The following SCAF8 variants were observed in gnomAD, a reference collection of about 807,000 sequenced individuals.
SCAF8 encodes SR-related CTD associated factor 8, also known as SR-related and CTD-associated factor 8.
A neutral mutation model predicts 140.5 loss-of-function variants in SCAF8; 23 were observed. The ratio of observed to expected loss-of-function variants is 0.16; its 90% confidence interval spans 0.12 to 0.23. The LOEUF (loss-of-function observed/expected upper bound fraction) is 0.23. Among genes scored for constraint, SCAF8 ranks in the 10% least tolerant of loss-of-function variants. SCAF8 has a pLI of 1.00. For missense variants in SCAF8, 1,397 were observed against 1,555.7 expected (o/e 0.90, Z 1.72); for synonymous variants, 575 against 528.9 (o/e 1.09, Z -1.20).
At chr6:154,805,948 G>T (rs1434316450) in intron 9 of SCAF8, among the ~76,000 whole-genome samples, 9 of 152,160 alleles carry the variant, frequency 5.9e-5, no homozygotes, top group African/African-American at 1.7e-4. Flanking sequence ...GCATGTAGCA[G>T]GAGCTTTATT....
At chr6:154,772,268 G>A (rs1776791122) in intron 1 of SCAF8, among the ~76,000 whole-genome samples, 3 of 152,174 alleles carry the variant, frequency 2.0e-5, no homozygotes, top group South Asian at 2.1e-4. Context: ...ATATCTTACA[G>A]TGTTATACTT....
rs376622207 is a variant in SCAF8, at chr6:154,796,389, C to CTCTCTCTCTCTCTCTCTGTCTGTCTG, written c.606+1253_606+1254insCTCTCTCTCTCTCTGTCTGTCTGTCT. Among the ~76,000 whole-genome samples the CTCTCTCTCTCTCTCTCTGTCTGTCTG allele has an allele frequency of 7.7e-4, 108 of 141,046 alleles. 1 individual carries two copies. The highest frequency in any genetic ancestry group is 2.5e-3 in the African/African-American group (92 of 36,366). The allele number at this position is 141,046 out of a possible 152,430, so 92.5% of individuals were successfully genotyped here. On this transcript the variant is annotated intron_variant, in intron 6 of 19. Transcript: ENST00000367178. ...TCTCTCTCTCTCTCTCTCTCTCTCT[C>CTCTCTCTCTCTCTCTCTGTCTGTCTG]TCTGTCTCTCTCTTTTTCTGACCCT...
chr6:154,821,694 A>G (rs1778426570), intron 15 of SCAF8, among the ~76,000 whole-genome samples: 1 of 152,200 alleles, frequency 6.6e-6, no homozygotes, highest in Non-Finnish European at 1.5e-5. Flanking sequence ...TTTGTATTCA[A>G]AAATAAGAAG....
At chr6:154,740,140 T>A (rs1778530172) in intron 1 of SCAF8, among the ~76,000 whole-genome samples, 1 of 152,182 alleles carries the variant, frequency 6.6e-6, no homozygotes, top group South Asian at 2.1e-4. Flanking sequence ...AGCATATTAA[T>A]TAGTATTATA....
intron 1 of SCAF8, among the ~76,000 whole-genome samples, chr6:154,752,145 T>C (rs1583002666): frequency 1.3e-5 from 2 of 152,338 alleles, no homozygotes; most frequent in East Asian, 3.9e-4. Flanking sequence ...TTTAGAAGGT[T>C]CCTAGTCTCT....
intron 6 of SCAF8, among the ~76,000 whole-genome samples, chr6:154,797,277 C>G (rs1040872271): frequency 6.6e-6 from 1 of 151,082 alleles, no homozygotes; most frequent in Non-Finnish European, 1.5e-5. Flanking sequence ...CTGTTACTAC[C>G]CTAGTTCTTC....
intron 18 of SCAF8, among the ~76,000 whole-genome samples, chr6:154,828,607 T>G (rs900725637): frequency 3.3e-5 from 5 of 152,188 alleles, no homozygotes; most frequent in African/African-American, 9.7e-5. Flanking sequence ...TGAGAGCTAC[T>G]TAGCTTTTTG....
intron 1 of SCAF8, among the ~76,000 whole-genome samples, chr6:154,766,665 C>CG (rs1389113439): frequency 9.2e-6 from 1 of 108,532 alleles, no homozygotes; most frequent in Non-Finnish European, 1.8e-5. Context: ...CAGCACCCCC[C>CG]CCCCTTTTTT....
At chr6:154,780,565 C>T (rs1046739526) in intron 3 of SCAF8, among the ~76,000 whole-genome samples, 2 of 151,546 alleles carry the variant, frequency 1.3e-5, no homozygotes, top group African/African-American at 2.4e-5. Flanking sequence ...TTGTTCCCCT[C>T]CCTGTGTCCA....
chr6:154,779,943 A>G (rs1157612293), intron 3 of SCAF8, among the ~76,000 whole-genome samples: 4 of 152,168 alleles, frequency 2.6e-5, no homozygotes, highest in Non-Finnish European at 5.9e-5. Flanking sequence ...AAAATATTAC[A>G]ATCAGGACAT....
intron 1 of SCAF8, among the ~76,000 whole-genome samples, chr6:154,747,303 C>A (rs1216579985): frequency 6.6e-6 from 1 of 152,086 alleles, no homozygotes; most frequent in Non-Finnish European, 1.5e-5. Context: ...TGCTTGAGAT[C>A]AGGAGTTCCA....
In SCAF8 at chr6:154,833,034, G is replaced by C; in HGVS notation, c.3455G>C (p.Arg1152Pro). The C allele has an allele frequency of 6.2e-7, 1 of 1,614,094 alleles. No homozygotes were observed. The highest frequency in any genetic ancestry group is 8.5e-7 in the Non-Finnish European group (1 of 1,180,012). The stretch of plus-strand genomic sequence containing the variant: ...GAAGTTCACAGAGATTTTGATGACC[G>C]CAGAAGACCCTGGGAGAGGCAAAGG... Reference protein sequence around the residue: ...GQEVHRDFDDRRRPWERQRDR... With the variant: ...GQEVHRDFDDPRRPWERQRDR... Residue 1152 changes from arginine (R) to proline (P), a missense_variant, in exon 20 of 20, where the codon CGC becomes CCC. Arg to Pro is a moderately radical substitution (Grantham distance 103). Coordinates refer to ENST00000367178, the MANE Select transcript of SCAF8 (RefSeq NM_014892.5).
At chr6:154,809,197 A>G (rs1778013536) in intron 11 of SCAF8, among the ~76,000 whole-genome samples, 1 of 152,334 alleles carries the variant, frequency 6.6e-6, no homozygotes, top group South Asian at 2.1e-4. Flanking sequence ...ATTTTTATAA[A>G]CATTAACTGT....
At chr6:154,793,058 A>T in intron 5 of SCAF8, 82 bp downstream of exon 5, 2 of 1,139,904 alleles carry the variant, frequency 1.8e-6, no homozygotes, top group Non-Finnish European at 2.4e-6. Context: ...AAATAATTCG[A>T]CAGTGCAGGA....
intron 3 of SCAF8, among the ~76,000 whole-genome samples, chr6:154,787,112 T>C (rs775713744): frequency 9.2e-5 from 14 of 152,242 alleles, no homozygotes; most frequent in Admixed American, 2.6e-4. Flanking sequence ...TCCAGCACTT[T>C]GGGAGATCTA....
chr6:154,804,904 T>A (rs1351559660), intron 8 of SCAF8, among the ~76,000 whole-genome samples: 1 of 152,320 alleles, frequency 6.6e-6, no homozygotes, highest in South Asian at 2.1e-4. Context: ...GTATATGATT[T>A]TCTAAAGGAA....
chr6:154,784,195 G>A (rs1223831791), intron 3 of SCAF8, among the ~76,000 whole-genome samples: 1 of 143,616 alleles, frequency 7.0e-6, no homozygotes, highest in Non-Finnish European at 1.5e-5. Context: ...GCAGTATTCT[G>A]TAACTGGACT....
At chr6:154,809,932 ATTG>A (rs1336591212) in intron 11 of SCAF8, 80 bp from the exon 12 acceptor site, 2 of 1,115,072 alleles carry the variant, frequency 1.8e-6, no homozygotes, top group Non-Finnish European at 2.6e-6. Flanking sequence ...CTTTTTTGTT[ATTG>A]TTTTTTCCCT....
At chr6:154,773,859 G>A (rs1776845275) in intron 1 of SCAF8, 130 bp from the exon 2 acceptor site, 1 of 673,832 alleles carries the variant, frequency 1.5e-6, no homozygotes, top group Non-Finnish European at 2.6e-6. Flanking sequence ...GGGCAGTGAT[G>A]TTGAGCTTGA....
Sources: gnomAD v4.1 joint callset for allele counts (sites outside exome capture counted in the v4.1 genomes callset) on GRCh38, gnomAD v4.1.1 for gene constraint, MANE v1.5 for transcripts, NCBI Gene and HGNC (gene_info 2026-07-23, HGNC 2026-07-21) for gene names.